NACAD: variants seen among roughly 807,000 people sequenced by gnomAD.
NACAD encodes NAC alpha domain containing, also known as NAC-alpha domain-containing protein 1.
A neutral mutation model predicts 98.9 loss-of-function variants in NACAD; 47 were observed. The observed-to-expected ratio is 0.48, with a 90% CI of 0.38 to 0.61. The LOEUF (loss-of-function observed/expected upper bound fraction) is 0.61, where lower values mean the gene tolerates loss of function less well. NACAD is among the 20% of genes least tolerant of loss of function. The pLI is 0.00. For synonymous variants in NACAD, 696 were observed against 767.2 expected (o/e 0.91, Z 1.53); for missense variants, 1,412 against 1,748.2 (o/e 0.81, Z 3.43).
At chr7:45,086,935 A>G (rs1181932337) in intron 1 of NACAD, among the ~76,000 whole-genome samples, 3 of 152,206 alleles carry the variant, frequency 2.0e-5, no homozygotes, top group African/African-American at 7.2e-5. Context: ...GGTGACCACC[A>G]GTTCCTTCCC....
At chr7:45,081,418 A>T in intron 4 of NACAD, 155 bp from the exon 5 acceptor site, 1 of 1,270,336 alleles carries the variant, frequency 7.9e-7, no homozygotes. Context: ...TCAGTCTATA[A>T]GGGCCTTCTC....
In NACAD at chr7:45,085,872, T is replaced by C. The variant is rs1784514551; in HGVS notation, c.308A>G (p.Gln103Arg). Residue 103 changes from glutamine (Q) to arginine (R), a missense_variant, in exon 2 of 8, where the codon CAG becomes CGG. Physicochemically the swap from Gln to Arg is conservative, Grantham distance 43 (BLOSUM62 1). Transcript: ENST00000490531. The surrounding 1 kb of genome is among the most constrained non-coding windows in gnomAD (Gnocchi z 6.1). Reference protein sequence around the residue: ...PMLLPEGLSSQALSTEAPLPA... With the variant: ...PMLLPEGLSSRALSTEAPLPA... ...GAGAGGAGCCTCCGTGGACAGAGCC[T>C]GGGAAGACAGGCCCTCAGGGAGGAG... 4 of 1,547,134 alleles carry C rather than the reference T, an allele frequency of 2.6e-6. No individual in the cohort carries two copies. Among genetic ancestry groups the C allele is most frequent in the Admixed American group, 3.9e-5 (2 of 50,692 alleles).
In NACAD at chr7:45,081,632, T is replaced by G. The variant is rs1048140788; in HGVS notation, c.4226A>C (p.Lys1409Thr). Reference sequence around the variant, plus strand: ...GGCCTTCTTCTCACTGCGACTCTGCTTGGCTTTGGCGATGGTCTCCTCACT... The same window carrying G: ...GGCCTTCTTCTCACTGCGACTCTGCGTGGCTTTGGCGATGGTCTCCTCACT... ...GGSEETIAKA[K>T]QSRSEKKARK... is the part of the protein sequence containing the mutation. Residue 1409 changes from lysine (K) to threonine (T), a missense_variant, in exon 4 of 8, where the codon AAG becomes ACG. By Grantham distance (78) the Lys-to-Thr change is moderately conservative. Transcript: ENST00000490531. 6.4e-7 allele frequency: 1 copy of G among 1,551,458 alleles called. No homozygotes were observed. Among genetic ancestry groups the G allele is most frequent in the African/African-American group, 1.4e-5 (1 of 73,156 alleles).
Position 45,082,440 on chromosome 7 carries a change from G to C in NACAD, c.3740C>G (p.Ala1247Gly). ...CTGGGGGTCCTGGCACAGGCAGGGG[G>C]CTGGGGGCTCCAGTGGGGGTAGGGC... is the stretch of plus-strand genomic sequence containing the variant. ...GAALPPLEPP[A>G]PCLCQDPQED... Residue 1247 changes from alanine (A) to glycine (G), a missense_variant, in exon 2 of 8, where the codon GCC (alanine) becomes GGC (glycine). Physicochemically the swap from Ala to Gly is moderately conservative, Grantham distance 60. Around this residue, in one of 5 missense-constraint regions of NACAD, gnomAD observed 572 missense variants for 639.6 expected, o/e 0.89. Coordinates refer to ENST00000490531, the MANE Select transcript of NACAD (RefSeq NM_001146334.2). This position sits in a 1 kb window ranked among gnomAD's most constrained non-coding sequence, Gnocchi z 4.5. 1.3e-6 allele frequency: 2 copies of C among 1,548,780 alleles called. No individual in the cohort carries two copies. The highest frequency in any genetic ancestry group is 1.7e-6 in the Non-Finnish European group (2 of 1,146,530).
In NACAD at chr7:45,088,187, G is replaced by A. The variant is rs780107907; in HGVS notation, c.67+641C>T. Among the ~76,000 whole-genome samples, 26 of 152,206 alleles carry A rather than the reference G, an allele frequency of 1.7e-4. No homozygotes were observed. The highest frequency in any genetic ancestry group is 3.5e-4 in the Non-Finnish European group (24 of 68,030). ...TTTCTAGGCCCCGTAGACCCCATCA[G>A]CCTCCACCAGCATTTGTTGACCCAG... On this transcript the variant is annotated intron_variant, in intron 1 of 7. Coordinates refer to ENST00000490531, the MANE Select transcript of NACAD (RefSeq NM_001146334.2). The surrounding 1 kb of genome is among the most constrained non-coding windows in gnomAD (Gnocchi z 5.7).
rs1657989508 is a variant in NACAD at position 45,082,908 on chromosome 7, T to C, written c.3272A>G (p.His1091Arg). The C allele has an allele frequency of 1.3e-6, 2 of 1,551,140 alleles. No individual in the cohort carries two copies. Among genetic ancestry groups the C allele is most frequent in the Non-Finnish European group, 8.7e-7 (1 of 1,146,996 alleles). The change falls in exon 2 of 8, where the codon CAT (histidine) becomes CGT (arginine). Residue 1091 changes from histidine (H) to arginine (R), a missense_variant. Physicochemically the swap from His to Arg is conservative, Grantham distance 29. Coordinates refer to ENST00000490531, the MANE Select transcript of NACAD (RefSeq NM_001146334.2). The surrounding 1 kb of genome is among the most constrained non-coding windows in gnomAD (Gnocchi z 4.5). ...ACCTCCAAGTGCTGACCTGGGTCCA[T>C]GTTCCTGTGCCAGTGGCTTCAGGCC... Reference protein sequence around the residue: ...EGGLKPLAQEHGPRSALGGAR... With the variant: ...EGGLKPLAQERGPRSALGGAR...
At chr7:45,087,707 G>A (rs1217838555) in intron 1 of NACAD, among the ~76,000 whole-genome samples, 1 of 152,218 alleles carries the variant, frequency 6.6e-6, no homozygotes, top group African/African-American at 2.4e-5. Flanking sequence ...TTTGCTGCTG[G>A]GGTGATGGGA....
chr7:45,084,738 G>A lies in NACAD; in HGVS notation c.1442C>T (p.Ala481Val). 1 of 1,550,922 alleles carries A rather than the reference G, an allele frequency of 6.4e-7. No homozygotes were observed. The highest frequency in any genetic ancestry group is 8.7e-7 in the Non-Finnish European group (1 of 1,146,862). The change falls in exon 2 of 8, where the codon GCC becomes GTC. Residue 481 changes from alanine to valine, a missense_variant. Coordinates refer to ENST00000490531, the MANE Select transcript of NACAD (RefSeq NM_001146334.2). Reference sequence around the variant, plus strand: ...CTGCAGAGTGTGAGGGGTCACAGTGGCAGTGGACTCCTGGCCTAAAGCAAG... The same window carrying A: ...CTGCAGAGTGTGAGGGGTCACAGTGACAGTGGACTCCTGGCCTAAAGCAAG... ...EGLALGQESTATVTPHTLQVA... is the reference protein window; with the variant it reads ...EGLALGQESTVTVTPHTLQVA...
In NACAD at chr7:45,082,238, A is replaced by T; in HGVS notation, c.3942T>A (p.Asp1314Glu). 1 of 1,548,124 alleles carries T rather than the reference A, an allele frequency of 6.5e-7. No individual in the cohort carries two copies. Among genetic ancestry groups the T allele is most frequent in the Non-Finnish European group, 8.7e-7 (1 of 1,145,474 alleles). ...AGATCTGCAAGGCCAGGTCTTTGGC[A>T]TCCATGGAGGCCACCTTGGGGCTGA... ...PLLSPKVASM[D>E]AKDLALQILP... The change falls in exon 2 of 8, where the codon GAT (aspartate) becomes GAA (glutamate). Residue 1314 changes from aspartate to glutamate, a missense_variant. By Grantham distance (45) the Asp-to-Glu change is conservative (BLOSUM62 2). Coordinates refer to ENST00000490531, the MANE Select transcript of NACAD (RefSeq NM_001146334.2). This position sits in a 1 kb window ranked among gnomAD's most constrained non-coding sequence, Gnocchi z 4.5.
Position 45,081,148 on chromosome 7 carries a change from G to A in NACAD, c.4373C>T (p.Ser1458Leu). 2 of 1,551,512 alleles carry A rather than the reference G, an allele frequency of 1.3e-6. No homozygotes were observed. Among genetic ancestry groups the A allele is most frequent in the Non-Finnish European group, 1.7e-6 (2 of 1,147,008 alleles). The change falls in exon 5 of 8, where the codon TCA becomes TTA. Residue 1458 changes from serine to leucine, a missense_variant. By Grantham distance (145) the Ser-to-Leu change is moderately radical. Around this residue, in one of 5 missense-constraint regions of NACAD, gnomAD observed 42 missense variants for 82.5 expected, o/e 0.51. Coordinates refer to ENST00000490531, the MANE Select transcript of NACAD (RefSeq NM_001146334.2). ...AKPDVFKSPA[S>L]DTYVVFGEAK... ...CTCGCCAAAGACCACATAAGTGTCT[G>A]AGGCTGGGCTCTTGAAGACATCAGG...
rs866484645 is a variant in NACAD at position 45,082,391 on chromosome 7, C to A, written c.3789G>T (p.Glu1263Asp). 2 of 1,549,844 alleles carry A rather than the reference C, an allele frequency of 1.3e-6. No individual in the cohort carries two copies. Among genetic ancestry groups the A allele is most frequent in the East Asian group, 4.9e-5 (2 of 40,916 alleles). The change falls in exon 2 of 8, where the codon GAG (glutamate) becomes GAT (aspartate). Residue 1263 changes from glutamate to aspartate, a missense_variant. Glu to Asp is a conservative substitution (Grantham distance 45). This residue lies in a region of NACAD where 572 missense variants were observed against 639.6 expected (regional missense o/e 0.89). Transcript: ENST00000490531. This position sits in a 1 kb window ranked among gnomAD's most constrained non-coding sequence, Gnocchi z 4.5. ...DPQEDSVEDE[E>D]PPGSLGLPPP... ...GTGGGAGGCCCAGAGAGCCTGGGGGCTCCTCGTCTTCCACAGAGTCTTCCT... is the reference window on the plus strand; with the variant it reads ...GTGGGAGGCCCAGAGAGCCTGGGGGATCCTCGTCTTCCACAGAGTCTTCCT...
At position 45,085,484 on chromosome 7, in the gene NACAD, G is replaced by C; in HGVS notation, c.696C>G (p.Pro232=). 1 of 1,550,854 alleles carries C rather than the reference G, an allele frequency of 6.4e-7. No individual in the cohort carries two copies. The highest frequency in any genetic ancestry group is 2.4e-5 in the East Asian group (1 of 40,908). The change falls in exon 2 of 8, where the codon CCC becomes CCG. Residue 232 remains proline (P), a synonymous_variant. Transcript: ENST00000490531. The surrounding 1 kb of genome is among the most constrained non-coding windows in gnomAD (Gnocchi z 6.1). ...GAGCCAGCAGGCTGAGGGAACAGGA[G>C]GGTGAAGAGGCCCAGCTGTCCCCAT... is the stretch of plus-strand genomic sequence containing the variant. ...TADGDSWASS[P]SCSLSLLAPA...
In NACAD at chr7:45,088,822, C is replaced by T; in HGVS notation, c.67+6G>A. 6.7e-7 allele frequency: 1 copy of T among 1,491,622 alleles called. No homozygotes were observed. The highest frequency in any genetic ancestry group is 8.9e-7 in the Non-Finnish European group (1 of 1,125,726). The allele number at this position is 1,491,622 out of a possible 1,614,324, so 92.4% of individuals were successfully genotyped here. On this transcript the variant is annotated splice_donor_region_variant and intron_variant, in intron 1 of 7. Transcript: ENST00000490531. The surrounding 1 kb of genome is among the most constrained non-coding windows in gnomAD (Gnocchi z 5.7). ...GAAGGCAGGGAAAGAGTGGCCACGG[C>T]CTCACCTGTGCGGGGCCCGGGTCGG... is the stretch of plus-strand genomic sequence containing the variant.
At position 45,088,955 on chromosome 7, in the gene NACAD, C is replaced by T. The variant is rs1941803756; in HGVS notation, c.-61G>A. ...CCGACCCTCCGTCAGTCCGTGCCGCCGCCCCGCCGAGCCTGCGCGGCCACC... is the reference window on the plus strand; with the variant it reads ...CCGACCCTCCGTCAGTCCGTGCCGCTGCCCCGCCGAGCCTGCGCGGCCACC... On this transcript the variant is annotated 5_prime_UTR_variant, in exon 1 of 8. Coordinates refer to ENST00000490531, the MANE Select transcript of NACAD (RefSeq NM_001146334.2). The surrounding 1 kb of genome is among the most constrained non-coding windows in gnomAD (Gnocchi z 5.7). 1.1e-5 allele frequency: 14 copies of T among 1,254,678 alleles called. No homozygotes were observed. The highest frequency in any genetic ancestry group is 3.2e-5 in the East Asian group (1 of 31,166). The allele number at this position is 1,254,678 out of a possible 1,614,324, so 77.7% of individuals were successfully genotyped here.
chr7:45,081,506 G>T, intron 4 of NACAD, 95 bp downstream of exon 4: 1 of 1,456,738 alleles, frequency 6.9e-7, no homozygotes, highest in Non-Finnish European at 9.3e-7. Flanking sequence ...TGATGGATGG[G>T]ATTTCATTAG....
rs146961641 is a variant in NACAD, at chr7:45,085,707, T to G, written c.473A>C (p.Gln158Pro). 1,213 of 1,549,586 alleles carry G rather than the reference T, an allele frequency of 7.8e-4. 12 individuals are homozygous for G. The South Asian group carries it at 0.012, about 15-fold the overall frequency. The stretch of plus-strand genomic sequence containing the variant: ...AGGGGAAGGCACAGAAAGATCACCC[T>G]GAGAACACAGCTCGGGGGGTGGGTC... ...SPDPPPELCSQGDLSVPSPPP... is the reference protein window; with the variant it reads ...SPDPPPELCSPGDLSVPSPPP... Residue 158 changes from glutamine (Q) to proline (P), a missense_variant, in exon 2 of 8, where the codon CAG becomes CCG. By Grantham distance (76) the Gln-to-Pro change is moderately conservative. Transcript: ENST00000490531. The surrounding 1 kb of genome is among the most constrained non-coding windows in gnomAD (Gnocchi z 6.1).
rs1036444532 is a variant in NACAD at position 45,081,984 on chromosome 7, T to A, written c.4073-117A>T. The A allele has an allele frequency of 1.1e-5, 16 of 1,437,516 alleles. No individual in the cohort carries two copies. In the African/African-American group the frequency reaches 1.6e-4, roughly 14 times the overall value. 89.0% of individuals were successfully genotyped at this position (1,437,516 alleles called of 1,614,324 possible). Reference sequence around the variant, plus strand: ...CAGAGGAAGCAGTGCCAGCTCTCCATGGTGGCTGTGGGGTCTGGGCCCCCC... The same window carrying A: ...CAGAGGAAGCAGTGCCAGCTCTCCAAGGTGGCTGTGGGGTCTGGGCCCCCC... On this transcript the variant is annotated intron_variant, in intron 2 of 7. Coordinates refer to ENST00000490531, the MANE Select transcript of NACAD (RefSeq NM_001146334.2).
At chr7:45,086,945 C>T (rs776183995) in intron 1 of NACAD, among the ~76,000 whole-genome samples, 3 of 152,214 alleles carry the variant, frequency 2.0e-5, no homozygotes, top group African/African-American at 4.8e-5. Context: ...AGTTCCTTCC[C>T]GGGTGCTGGG....
In NACAD at chr7:45,083,264, G is replaced by C. The variant is rs1339130153; in HGVS notation, c.2916C>G (p.Ala972=). Residue 972 remains alanine (A), a synonymous_variant, in exon 2 of 8, where the codon GCC becomes GCG. Coordinates refer to ENST00000490531, the MANE Select transcript of NACAD (RefSeq NM_001146334.2). ...ATMAQQEVGE[A]LGPRPAPEEK... The stretch of plus-strand genomic sequence containing the variant: ...CCTCAGGTGCTGGCCTGGGGCCTAA[G>C]GCCTCACCTACTTCCTGCTGAGCCA... 1 of 1,550,952 alleles carries C rather than the reference G, an allele frequency of 6.4e-7. No individual in the cohort carries two copies. Among genetic ancestry groups the C allele is most frequent in the East Asian group, 2.4e-5 (1 of 40,936 alleles).
Sources: gnomAD v4.1 joint callset for allele counts (sites outside exome capture counted in the v4.1 genomes callset) on GRCh38, gnomAD v4.1.1 for gene constraint, gnomAD v4.1.1 regional missense constraint, Gnocchi (gnomAD v3.1) non-coding constraint, MANE v1.5 for transcripts, NCBI Gene and HGNC (gene_info 2026-07-23, HGNC 2026-07-21) for gene names.